CMYA5: variants seen among roughly 807,000 people sequenced by gnomAD.
The protein encoded by CMYA5 is cardiomyopathy-associated protein 5.
A neutral mutation model predicts 318.9 loss-of-function variants in CMYA5; 246 were observed. The ratio of observed to expected loss-of-function variants is 0.77; its 90% CI spans 0.70 to 0.86. The LOEUF (loss-of-function observed/expected upper bound fraction) is 0.86, where lower values mean the gene tolerates loss of function less well. Ranked by LOEUF, CMYA5 falls within the 40% of genes least tolerant of loss-of-function variation. The pLI is 0.00. For missense variants in CMYA5, 4,589 were observed against 4,678.2 expected, an observed-to-expected ratio of 0.98 and a Z score of 0.56; for synonymous variants, 1,641 against 1,729.5, an observed-to-expected ratio of 0.95 and a Z score of 1.27.
chr5:79,699,452 A>G (rs1201000663), intron 1 of CMYA5, among the ~76,000 whole-genome samples: 1 of 152,196 alleles, frequency 6.6e-6, no homozygotes, highest in African/African-American at 2.4e-5. Context: ...CACCTTTGAG[A>G]GGGTTTAAGC....
intron 1 of CMYA5, among the ~76,000 whole-genome samples, chr5:79,699,766 G>A (rs984177383): frequency 2.0e-5 from 3 of 152,198 alleles, no homozygotes; most frequent in African/African-American, 2.4e-5. Context: ...CAGAGAATCC[G>A]AAACAGAAGG....
At position 79,731,764 on chromosome 5, in the gene CMYA5, C is replaced by T. The variant is rs1827912198; in HGVS notation, c.2999C>T (p.Pro1000Leu). 1 of 1,613,362 alleles carries T rather than the reference C, an allele frequency of 6.2e-7. No individual in the cohort carries two copies. Residue 1000 changes from proline to leucine, a missense_variant, in exon 2 of 13, where the codon CCA becomes CTA. Transcript: ENST00000446378. Reference protein sequence around the residue: ...EDTEEAELFSPDSASQVSIPP... With the variant: ...EDTEEAELFSLDSASQVSIPP... ...ACTGAAGAAGCGGAACTGTTCTCTC[C>T]AGACTCAGCATCACAAGTTTCAATC... is the stretch of plus-strand genomic sequence containing the variant.
intron 9 of CMYA5, among the ~76,000 whole-genome samples, chr5:79,770,759 G>A (rs1305667797): frequency 2.0e-5 from 3 of 152,068 alleles, no homozygotes; most frequent in Non-Finnish European, 4.4e-5. Flanking sequence ...AATAAAGTGT[G>A]TTATTTAAGC....
intron 1 of CMYA5, among the ~76,000 whole-genome samples, chr5:79,716,981 A>T (rs1462861451): frequency 6.6e-6 from 1 of 152,214 alleles, no homozygotes; most frequent in African/African-American, 2.4e-5. Flanking sequence ...CACACCTAAC[A>T]TAGTGCCTAC....
In CMYA5 at chr5:79,733,895, T is replaced by C; in HGVS notation, c.5130T>C (p.Asn1710=). The C allele has an allele frequency of 6.2e-7, 1 of 1,613,206 alleles. No homozygotes were observed. ...CATTGCTTAGGGAGGAATCTCAGAATGAAGAAATTAAACCTTTCTCTCCCA... is the reference window on the plus strand; with the variant it reads ...CATTGCTTAGGGAGGAATCTCAGAACGAAGAAATTAAACCTTTCTCTCCCA... ...LSSLLREESQ[N]EEIKPFSPKI... Residue 1710 remains asparagine (N), a synonymous_variant, in exon 2 of 13, where the codon AAT becomes AAC. Coordinates refer to ENST00000446378, the MANE Select transcript of CMYA5 (RefSeq NM_153610.5).
rs777250780 is a variant in CMYA5, at chr5:79,730,345, TAGA to T, written c.1587_1589del (p.Glu530del). On this transcript the variant is annotated inframe_deletion, in exon 2 of 13. Coordinates refer to ENST00000446378, the MANE Select transcript of CMYA5 (RefSeq NM_153610.5). ...CCTGAACCTGAAGATTCTAATTTAG[TAGA>T]AGAAGAGATCGTAGAACTTGATTAC... 744 of 1,613,548 alleles carry T rather than the reference TAGA, an allele frequency of 4.6e-4. 1 individual carries two copies. Among genetic ancestry groups the T allele is most frequent in the Non-Finnish European group, 6.1e-4 (715 of 1,179,838 alleles).
rs201904165 is a variant in CMYA5 at position 79,729,159 on chromosome 5, C to T, written c.394C>T (p.Arg132Trp). 1.0e-4 allele frequency: 165 copies of T among 1,612,002 alleles called. No individual in the cohort carries two copies. Among genetic ancestry groups the T allele is most frequent in the Non-Finnish European group, 1.3e-4 (155 of 1,179,254 alleles). Residue 132 changes from arginine (R) to tryptophan (W), a missense_variant, in exon 2 of 13, where the codon CGG becomes TGG. Physicochemically the swap from Arg to Trp is moderately radical, Grantham distance 101 (BLOSUM62 -3). Transcript: ENST00000446378. ...SFIVDEVKKVRKRTHKSKHGS... is the reference protein window; with the variant it reads ...SFIVDEVKKVWKRTHKSKHGS... ...TATTGTGGATGAAGTGAAAAAGGTT[C>T]GGAAAAGGACTCATAAGTCAAAGCA... is the stretch of plus-strand genomic sequence containing the variant.
chr5:79,769,906 G>T (rs1033563178), intron 9 of CMYA5, among the ~76,000 whole-genome samples: 1 of 152,178 alleles, frequency 6.6e-6, no homozygotes, highest in Admixed American at 6.5e-5. Flanking sequence ...GTCCACAACT[G>T]CCCCTTCCCC....
intron 9 of CMYA5, among the ~76,000 whole-genome samples, chr5:79,764,573 C>G (rs1170176332): frequency 1.3e-5 from 2 of 152,208 alleles, no homozygotes; most frequent in Non-Finnish European, 2.9e-5. Context: ...GCCACACTGT[C>G]TTCCACAATG....
intron 11 of CMYA5, among the ~76,000 whole-genome samples, chr5:79,792,074 T>A (rs150961999): frequency 6.6e-6 from 1 of 152,336 alleles, no homozygotes; most frequent in African/African-American, 2.4e-5. Flanking sequence ...CCCTGTCACA[T>A]TGCTACTTGC....
intron 12 of CMYA5, among the ~76,000 whole-genome samples, 154 bp downstream of exon 12, chr5:79,793,764 AACTCTG>A (rs1829224542): frequency 1.3e-5 from 2 of 152,176 alleles, no homozygotes; most frequent in East Asian, 1.9e-4. Context: ...ATGGAGATGA[AACTCTG>A]ACTCTGATTA....
Position 79,735,049 on chromosome 5 carries a change from C to A in CMYA5, c.6284C>A (p.Pro2095His). The change falls in exon 2 of 13, where the codon CCT becomes CAT. Residue 2095 changes from proline (P) to histidine (H), a missense_variant. Transcript: ENST00000446378. Reference sequence around the variant, plus strand: ...AAAGAAGCACACAGGAGCACACCTCCTTTTCCTGAAGAGAAGCCATTGGAA... The same window carrying A: ...AAAGAAGCACACAGGAGCACACCTCATTTTCCTGAAGAGAAGCCATTGGAA... The part of the protein sequence containing the change: ...NEKEAHRSTP[P>H]FPEEKPLEES... The A allele has an allele frequency of 6.2e-7, 1 of 1,613,868 alleles. No homozygotes were observed.
chr5:79,770,993 C>G (rs1828845781), intron 9 of CMYA5, among the ~76,000 whole-genome samples: 1 of 151,338 alleles, frequency 6.6e-6, no homozygotes, highest in Admixed American at 6.6e-5. Flanking sequence ...TTTTAATGTG[C>G]CAGCTGCTGG....
chr5:79,690,024 G>A lies in CMYA5; in HGVS notation c.117G>A (p.Thr39=), dbSNP rs1363151081. 1.4e-6 allele frequency: 2 copies of A among 1,479,150 alleles called. No individual in the cohort carries two copies. The highest frequency in any genetic ancestry group is 1.3e-5 in the South Asian group (1 of 76,170). The allele number at this position is 1,479,150 out of a possible 1,614,324, so 91.6% of individuals were successfully genotyped here. A position where few individuals can be genotyped will look rare whatever the true frequency, so the allele number is the denominator to read the frequency against. The part of the protein sequence containing the change: ...EEESEGEEDE[T]AAESEEEPDS... ...AGTCGGAGGGCGAGGAGGACGAGACGGCGGCGGAGTCGGAGGAGGAGCCGG... is the reference window on the plus strand; with the variant it reads ...AGTCGGAGGGCGAGGAGGACGAGACAGCGGCGGAGTCGGAGGAGGAGCCGG... The change falls in exon 1 of 13, where the codon ACG becomes ACA. Residue 39 remains threonine (T), a synonymous_variant. Coordinates refer to ENST00000446378, the MANE Select transcript of CMYA5 (RefSeq NM_153610.5).
chr5:79,731,563 A>C lies in CMYA5; in HGVS notation c.2798A>C (p.Asn933Thr). ...CTAAAAGGTGCATCCTCACCCATGA[A>C]TTTATCAGAAGAAGATCAAGAAGAC... ...LNLKGASSPM[N>T]LSEEDQEDIG... Residue 933 changes from asparagine to threonine, a missense_variant, in exon 2 of 13, where the codon AAT becomes ACT. Asn to Thr is a moderately conservative substitution (Grantham distance 65). This residue lies in a region of CMYA5 where 2,132 missense variants were observed against 2,131.3 expected (regional missense o/e 1.00). Transcript: ENST00000446378. 2 of 1,610,154 alleles carry C rather than the reference A, an allele frequency of 1.2e-6. No individual in the cohort carries two copies. Among genetic ancestry groups the C allele is most frequent in the South Asian group, 2.2e-5 (2 of 90,296 alleles).
chr5:79,742,930 A>G (rs1276281475), intron 2 of CMYA5, among the ~76,000 whole-genome samples: 1 of 152,232 alleles, frequency 6.6e-6, no homozygotes, highest in Non-Finnish European at 1.5e-5. Flanking sequence ...TAAATGAGAT[A>G]GAGCTCTTCT....
intron 1 of CMYA5, among the ~76,000 whole-genome samples, chr5:79,722,440 A>G (rs1827659160): frequency 6.6e-6 from 1 of 152,000 alleles, no homozygotes; most frequent in African/African-American, 2.4e-5. Context: ...ACTTTGGGAG[A>G]CTGAGCTGGG....
At chr5:79,798,684 C>T (rs1829318902) in intron 12 of CMYA5, among the ~76,000 whole-genome samples, 1 of 152,150 alleles carries the variant, frequency 6.6e-6, no homozygotes, top group South Asian at 2.1e-4. Context: ...CACTTCATGT[C>T]CTTCACATGC....
chr5:79,785,890 A>G (rs6453484), intron 9 of CMYA5, among the ~76,000 whole-genome samples: 41,842 of 152,074 alleles, frequency 0.28, 6,754 homozygotes, highest in African/African-American at 0.46. Context: ...CACCTTAGTC[A>G]TGGCAAACTT....
Sources: gnomAD v4.1 joint callset for allele counts (sites outside exome capture counted in the v4.1 genomes callset) on GRCh38, gnomAD v4.1.1 for gene constraint, gnomAD v4.1.1 regional missense constraint, MANE v1.5 for transcripts, NCBI Gene and HGNC (gene_info 2026-07-23, HGNC 2026-07-21) for gene names.